The following POLN variants were observed in gnomAD, a reference collection of about 807,000 sequenced individuals.
The protein encoded by POLN is DNA polymerase nu, also known as DNA polymerase N.
Under a neutral mutation model 113.5 loss-of-function variants are expected in POLN, and 108 were observed. That is an observed-to-expected ratio of 0.95 (90% CI 0.81 to 1.12). The LOEUF (loss-of-function observed/expected upper bound fraction) is 1.12. Among genes scored for constraint, POLN ranks in the 50% most tolerant of loss-of-function variants. POLN has a pLI of 0.00. For missense variants in POLN, 1,097 were observed against 1,077.1 expected, an observed-to-expected ratio of 1.02 and a Z score of -0.26; for synonymous variants, 386 against 391.5, an observed-to-expected ratio of 0.99 and a Z score of 0.17.
chr4:2,129,296 T>C, intron 17 of POLN, 40 bp from the exon 18 acceptor site: 1 of 1,277,900 alleles, frequency 7.8e-7, no homozygotes, highest in Non-Finnish European at 1.1e-6. Flanking sequence ...AATTTGGTCA[T>C]GAACTGATGC....
intron 13 of POLN, among the ~76,000 whole-genome samples, chr4:2,162,486 G>T (rs2108743062): frequency 6.6e-6 from 1 of 152,318 alleles, no homozygotes; most frequent in East Asian, 1.9e-4. Flanking sequence ...TGAAGTCAGT[G>T]AGACCAAGAA....
At chr4:2,100,458 T>A (rs1730896200) in intron 19 of POLN, among the ~76,000 whole-genome samples, 1 of 152,174 alleles carries the variant, frequency 6.6e-6, no homozygotes, top group African/African-American at 2.4e-5. Flanking sequence ...AGACTTTCAT[T>A]AAGGAAGGGG....
chr4:2,196,659 T>C (rs1221829190), intron 6 of POLN, among the ~76,000 whole-genome samples: 4 of 149,016 alleles, frequency 2.7e-5, no homozygotes, highest in African/African-American at 7.4e-5. Context: ...AAAAAGCCCA[T>C]GGTTTTTAGA....
At chr4:2,161,233 G>A (rs937661257) in intron 13 of POLN, among the ~76,000 whole-genome samples, 20 of 152,360 alleles carry the variant, frequency 1.3e-4, no homozygotes, top group East Asian at 7.7e-4. Context: ...TGGCCAAGGC[G>A]GGAGCCGGCT....
At chr4:2,230,682 T>C (rs1051967631) in intron 2 of POLN, 11 of 151,970 alleles carry the variant, frequency 7.2e-5, no homozygotes, top group African/African-American at 1.9e-4. Flanking sequence ...AAAAATTCCA[T>C]AAAGACCACC....
rs149823955 is a variant in POLN, at chr4:2,144,690, G to A, written c.1731+12098C>T. ...TTGCTCCCCCACACCCCAATAATCCGTTAGCTGTATTTAGCACTCGATAAC... is the reference window on the plus strand; with the variant it reads ...TTGCTCCCCCACACCCCAATAATCCATTAGCTGTATTTAGCACTCGATAAC... On this transcript the variant is annotated intron_variant, in intron 16 of 25. Transcript: ENST00000511885. Among the ~76,000 whole-genome samples the A allele has an allele frequency of 3.6e-3, 547 of 152,156 alleles. 3 individuals are homozygous for A. The highest frequency in any genetic ancestry group is 0.012 in the African/African-American group (500 of 41,480).
At chr4:2,202,996 G>C (rs2108761650) in intron 5 of POLN, among the ~76,000 whole-genome samples, 1 of 152,130 alleles carries the variant, frequency 6.6e-6, no homozygotes, top group East Asian at 1.9e-4. Flanking sequence ...TGGAACAAAT[G>C]GACTTAACAT....
intron 2 of POLN, among the ~76,000 whole-genome samples, chr4:2,236,975 A>G (rs963473178): frequency 6.6e-6 from 1 of 151,646 alleles, no homozygotes; most frequent in Non-Finnish European, 1.5e-5. Flanking sequence ...TCAGTACAGA[A>G]ATATATATTC....
intron 16 of POLN, among the ~76,000 whole-genome samples, chr4:2,138,143 G>C (rs1209797596): frequency 6.6e-6 from 1 of 152,172 alleles, no homozygotes; most frequent in Non-Finnish European, 1.5e-5. Flanking sequence ...AGCCAGGATA[G>C]AGTTTTGACC....
chr4:2,196,257 G>A (rs1055642619), intron 6 of POLN, among the ~76,000 whole-genome samples: 2 of 151,974 alleles, frequency 1.3e-5, no homozygotes, highest in African/African-American at 4.8e-5. Context: ...TGCTAAATCC[G>A]GCCATCCAAC....
chr4:2,075,974 C>T (rs1425952274), intron 23 of POLN, among the ~76,000 whole-genome samples: 1 of 152,170 alleles, frequency 6.6e-6, no homozygotes, highest in Non-Finnish European at 1.5e-5. Flanking sequence ...GGCCGAGCCT[C>T]GAACAACATC....
At chr4:2,199,492 A>G (rs1733659645) in intron 5 of POLN, among the ~76,000 whole-genome samples, 1 of 152,200 alleles carries the variant, frequency 6.6e-6, no homozygotes, top group Non-Finnish European at 1.5e-5. Flanking sequence ...GAGAGAACAC[A>G]TTACATAGAT....
At chr4:2,134,186 G>A (rs1731796544) in intron 16 of POLN, among the ~76,000 whole-genome samples, 1 of 152,114 alleles carries the variant, frequency 6.6e-6, no homozygotes, top group African/African-American at 2.4e-5. Context: ...TTATGGCTTT[G>A]TAGCTTATTC....
chr4:2,230,699 A>C (rs1035229826), intron 2 of POLN: 10 of 152,010 alleles, frequency 6.6e-5, no homozygotes, highest in South Asian at 2.1e-4. Context: ...CACCCAAAAC[A>C]TGTAGTTTTT....
chr4:2,240,654 T>G (rs780230257), intron 2 of POLN: 1 of 1,613,970 alleles, frequency 6.2e-7, no homozygotes, highest in Non-Finnish European at 8.5e-7. Flanking sequence ...TTTCTCCAGC[T>G]CTTTATCATC....
chr4:2,188,092 G>A (rs769874756), intron 7 of POLN, among the ~76,000 whole-genome samples: 2 of 152,064 alleles, frequency 1.3e-5, no homozygotes, highest in African/African-American at 2.4e-5. Context: ...TTCCAGCCTG[G>A]GTGACAGAGT....
At chr4:2,205,188 C>T (rs1441747979) in intron 5 of POLN, among the ~76,000 whole-genome samples, 1 of 152,128 alleles carries the variant, frequency 6.6e-6, no homozygotes, top group Non-Finnish European at 1.5e-5. Context: ...ACCTAGAAAA[C>T]CCTAAAGATT....
chr4:2,209,715 G>A (rs1419027921), intron 4 of POLN, among the ~76,000 whole-genome samples: 1 of 129,418 alleles, frequency 7.7e-6, no homozygotes, highest in Non-Finnish European at 1.6e-5. Context: ...AGGCTGAAGT[G>A]CAGTGGCACA....
chr4:2,167,555 C>T (rs1344924843), intron 13 of POLN, among the ~76,000 whole-genome samples: 1 of 152,130 alleles, frequency 6.6e-6, no homozygotes, highest in East Asian at 1.9e-4. Context: ...AGGTGAGTGT[C>T]AAAGAACTGA....
Sources: allele counts gnomAD v4.1 joint callset (sites outside exome capture counted in the v4.1 genomes callset), GRCh38; gene constraint gnomAD v4.1.1; transcripts MANE v1.5; gene names NCBI Gene and HGNC (gene_info 2026-07-23, HGNC 2026-07-21).